ITPR2: variants seen among roughly 807,000 people sequenced by gnomAD.
ITPR2 encodes the protein inositol 1,4,5-trisphosphate receptor type 2, also known as inositol 1,4,5-trisphosphate-gated calcium channel ITPR2.
ITPR2 carries 207 observed loss-of-function variants against 317.1 expected under a neutral mutation model. That is an observed-to-expected ratio of 0.65 (90% confidence interval 0.58 to 0.73). The LOEUF is 0.73. Ranked by LOEUF, ITPR2 falls within the 30% of genes least tolerant of loss-of-function variation. The pLI is 0.00. For missense variants in ITPR2, 2,613 were observed against 3,284.0 expected (o/e 0.80, Z 4.99); for synonymous variants, 1,156 against 1,149.1 (o/e 1.01, Z -0.12).
rs543228111 is a variant in ITPR2 at position 26,410,454 on chromosome 12, A to G, written c.7399+866T>C. On this transcript the variant is annotated intron_variant, in intron 52 of 56. Transcript: ENST00000381340. The stretch of plus-strand genomic sequence containing the variant: ...CAACATCTCAAGGAAAAGGCCGTTT[A>G]GGAAAGAAAGCACTATCATTATGAC... Among the ~76,000 whole-genome samples the G allele has an allele frequency of 5.3e-5, 8 of 152,310 alleles. No individual in the cohort carries two copies. The South Asian group carries it at 1.4e-3, about 28-fold the overall frequency.
In ITPR2 at chr12:26,831,913, A is replaced by ATG. The variant is rs988946442; in HGVS notation, c.92+775_92+776dup. 5.4e-5 allele frequency among the ~76,000 whole-genome samples: 8 copies of ATG among 147,128 alleles called. No individual in the cohort carries two copies. The highest frequency in any genetic ancestry group is 1.0e-4 in the African/African-American group (4 of 39,884). On this transcript the variant is annotated intron_variant, in intron 1 of 56. Coordinates refer to ENST00000381340, the MANE Select transcript of ITPR2 (RefSeq NM_002223.4). This position sits in a 1 kb window ranked among gnomAD's most constrained non-coding sequence, Gnocchi z 4.9. ...CTCATTCATAAACATATATACATAT[A>ATG]TGTGTATATATATATATATTTTTCC...
chr12:26,810,569 T>G (rs1325854498), intron 1 of ITPR2, among the ~76,000 whole-genome samples: 1 of 152,278 alleles, frequency 6.6e-6, no homozygotes, highest in African/African-American at 2.4e-5. Context: ...TGGGCCAGTC[T>G]CTGCATGAGC....
chr12:26,769,931 A>C (rs1466868821), intron 2 of ITPR2, among the ~76,000 whole-genome samples: 2 of 152,194 alleles, frequency 1.3e-5, no homozygotes, highest in Non-Finnish European at 2.9e-5. Context: ...AAAAGAATGC[A>C]TTTTCCAAGG....
chr12:26,661,272 GTGT>G (rs200083180), intron 15 of ITPR2, among the ~76,000 whole-genome samples: 2,362 of 68,790 alleles, frequency 0.034, 117 homozygotes, highest in East Asian at 0.058. Flanking sequence ...AGGGGTGTGT[GTGT>G]GGGGGGGGGG....
intron 48 of ITPR2, among the ~76,000 whole-genome samples, chr12:26,435,117 A>G (rs1941319989): frequency 6.6e-6 from 1 of 152,166 alleles, no homozygotes; most frequent in Admixed American, 6.5e-5. Flanking sequence ...GATTACAGCT[A>G]AAGTTTAGAA....
intron 31 of ITPR2, among the ~76,000 whole-genome samples, chr12:26,596,671 T>A (rs893132238): frequency 3.3e-5 from 5 of 150,896 alleles, no homozygotes; most frequent in Non-Finnish European, 5.9e-5. Flanking sequence ...AAAAAAAGTT[T>A]ATCATCTTGC....
intron 15 of ITPR2, among the ~76,000 whole-genome samples, chr12:26,662,801 T>G (rs1947532132): frequency 6.6e-6 from 1 of 152,050 alleles, no homozygotes; most frequent in African/African-American, 2.4e-5. Context: ...GCCTCCTTAG[T>G]AGCTGGAACT....
At chr12:26,474,580 T>C (rs921350859) in intron 45 of ITPR2, among the ~76,000 whole-genome samples, 24 of 151,450 alleles carry the variant, frequency 1.6e-4, no homozygotes, top group Admixed American at 9.2e-4. Context: ...GATCACGAGG[T>C]CAGGAGATCG....
At chr12:26,729,680 C>T (rs1948994488) in intron 2 of ITPR2, among the ~76,000 whole-genome samples, 1 of 152,036 alleles carries the variant, frequency 6.6e-6, no homozygotes, top group Non-Finnish European at 1.5e-5. Flanking sequence ...AGGCCATTAT[C>T]CCTAGCAAGC....
At chr12:26,517,371 T>C (rs1200845442) in intron 37 of ITPR2, among the ~76,000 whole-genome samples, 1 of 152,038 alleles carries the variant, frequency 6.6e-6, no homozygotes, top group East Asian at 1.9e-4. Flanking sequence ...AACAACCCCA[T>C]TGAAAAATGG....
intron 14 of ITPR2, among the ~76,000 whole-genome samples, chr12:26,665,404 A>C (rs1223046178): frequency 6.6e-6 from 1 of 152,198 alleles, no homozygotes; most frequent in South Asian, 2.1e-4. Flanking sequence ...CTGCCTCCTG[A>C]TATTCATAGC....
At chr12:26,587,605 TGG>T (rs1945566370) in intron 32 of ITPR2, among the ~76,000 whole-genome samples, 1 of 151,634 alleles carries the variant, frequency 6.6e-6, no homozygotes, top group South Asian at 2.1e-4. Context: ...GGAAGAAGGG[TGG>T]TCATAGGGCA....
At chr12:26,600,594 C>T (rs918839322) in intron 28 of ITPR2, among the ~76,000 whole-genome samples, 2 of 151,818 alleles carry the variant, frequency 1.3e-5, no homozygotes, top group Non-Finnish European at 2.9e-5. Flanking sequence ...ATATCTCCAT[C>T]ATGCTGCTTC....
intron 34 of ITPR2, among the ~76,000 whole-genome samples, chr12:26,570,262 A>G (rs1945124574): frequency 6.6e-6 from 1 of 152,216 alleles, no homozygotes; most frequent in South Asian, 2.1e-4. Flanking sequence ...CATTTCCCCC[A>G]AAATTAGAAT....
intron 37 of ITPR2, among the ~76,000 whole-genome samples, chr12:26,539,937 A>G (rs1274258942): frequency 6.6e-6 from 1 of 152,226 alleles, no homozygotes; most frequent in East Asian, 1.9e-4. Context: ...TACATCTACT[A>G]TGTGTCAATC....
chr12:26,797,250 A>G (rs974246460), intron 1 of ITPR2, among the ~76,000 whole-genome samples: 2 of 152,234 alleles, frequency 1.3e-5, no homozygotes, highest in Non-Finnish European at 1.5e-5. Flanking sequence ...TATTTTAGGA[A>G]TACACATGGG....
At chr12:26,663,937 C>T in intron 14 of ITPR2, 91 bp from the exon 15 acceptor site, 1 of 1,184,274 alleles carries the variant, frequency 8.4e-7, no homozygotes, top group African/African-American at 1.5e-5. Flanking sequence ...ATTCAAAAAA[C>T]ACTTATATAA....
chr12:26,545,424 C>T (rs964160410), intron 37 of ITPR2, among the ~76,000 whole-genome samples: 12 of 151,938 alleles, frequency 7.9e-5, no homozygotes, highest in African/African-American at 2.7e-4. Flanking sequence ...ACTACACTAC[C>T]GGCTTTAAAG....
chr12:26,693,682 T>A (rs931124970), intron 10 of ITPR2, among the ~76,000 whole-genome samples: 1 of 152,206 alleles, frequency 6.6e-6, no homozygotes, highest in Non-Finnish European at 1.5e-5. Context: ...AATACACAGA[T>A]GCAAAACCAC....
Sources: gnomAD v4.1 joint callset for allele counts (sites outside exome capture counted in the v4.1 genomes callset) on GRCh38, gnomAD v4.1.1 for gene constraint, Gnocchi (gnomAD v3.1) non-coding constraint, MANE v1.5 for transcripts, NCBI Gene and HGNC (gene_info 2026-07-23, HGNC 2026-07-21) for gene names.